The following HYCC2 variants were observed in gnomAD, a reference collection of about 807,000 sequenced individuals.
HYCC2 encodes the protein hyccin 2.
the HYCC2 span, among the ~76,000 whole-genome samples, chr2:201,062,356 T>C: frequency 6.6e-5 from 10 of 151,256 alleles, no homozygotes; most frequent in Admixed American, 1.3e-4. Context: ...CTATTAAAAA[T>C]ACAAAAATGA....
chr2:200,979,304 C>G, the HYCC2 span: 4 of 151,914 alleles, frequency 2.6e-5, no homozygotes, highest in African/African-American at 7.3e-5. Context: ...CACAGACACA[C>G]ACAAAACAAT....
chr2:201,007,945 G>A, the HYCC2 span, among the ~76,000 whole-genome samples: 1 of 152,180 alleles, frequency 6.6e-6, no homozygotes, highest in East Asian at 1.9e-4. Context: ...CCTGACTTCA[G>A]GGGAAAGGAC....
At chr2:200,975,883 T>C in the HYCC2 span, 1 of 152,138 alleles carries the variant, frequency 6.6e-6, no homozygotes, top group Non-Finnish European at 1.5e-5. Flanking sequence ...ATTTTCTATA[T>C]ATGCTCAGTA....
At chr2:201,044,261 A>G in the HYCC2 span, among the ~76,000 whole-genome samples, 1 of 152,108 alleles carries the variant, frequency 6.6e-6, no homozygotes, top group South Asian at 2.1e-4. Flanking sequence ...TAATAGTATT[A>G]CCATTATTTA....
chr2:201,021,125 T>C, the HYCC2 span, among the ~76,000 whole-genome samples: 9 of 152,214 alleles, frequency 5.9e-5, no homozygotes, highest in Non-Finnish European at 1.0e-4. Flanking sequence ...AAATAATTTC[T>C]TGTAACCTAA....
the HYCC2 span, among the ~76,000 whole-genome samples, chr2:201,002,108 C>T: frequency 2.0e-5 from 3 of 150,482 alleles, no homozygotes; most frequent in African/African-American, 7.3e-5. Flanking sequence ...TATTGCAAGT[C>T]ACCAGGAAAA....
At chr2:200,993,004 C>T in the HYCC2 span, 1 of 1,591,746 alleles carries the variant, frequency 6.3e-7, no homozygotes, top group Non-Finnish European at 8.6e-7. Flanking sequence ...CACACAAACC[C>T]TAGGAAAATA....
the HYCC2 span, chr2:201,045,354 C>T: frequency 5.1e-6 from 2 of 391,040 alleles, no homozygotes; most frequent in East Asian, 7.3e-5. Flanking sequence ...AATTCAAAGG[C>T]AATAATTAAG....
At chr2:200,988,509 A>T in the HYCC2 span, 1 of 911,666 alleles carries the variant, frequency 1.1e-6, no homozygotes, top group Non-Finnish European at 1.6e-6. Context: ...TCGAATATGT[A>T]TTTAAAATTT....
the HYCC2 span, among the ~76,000 whole-genome samples, chr2:201,034,021 A>G: frequency 3.3e-5 from 5 of 152,174 alleles, no homozygotes; most frequent in East Asian, 9.7e-4. Flanking sequence ...TTACTATTTT[A>G]AATTCCTATT....
the HYCC2 span, among the ~76,000 whole-genome samples, chr2:201,047,054 G>A: frequency 2.0e-5 from 3 of 151,940 alleles, no homozygotes; most frequent in South Asian, 4.2e-4. Context: ...AAATAGAAGG[G>A]GAAATGTACA....
At chr2:201,007,014 G>A in the HYCC2 span, among the ~76,000 whole-genome samples, 1 of 152,132 alleles carries the variant, frequency 6.6e-6, no homozygotes, top group Non-Finnish European at 1.5e-5. Context: ...AACATTAAAG[G>A]ATGAATTAGT....
the HYCC2 span, among the ~76,000 whole-genome samples, chr2:201,061,607 T>C: frequency 6.6e-6 from 1 of 151,730 alleles, no homozygotes; most frequent in Admixed American, 6.6e-5. Context: ...GGCTGCCACT[T>C]GAAGTCTTTC....
the HYCC2 span, among the ~76,000 whole-genome samples, chr2:201,046,920 C>A: frequency 6.6e-6 from 1 of 151,892 alleles, no homozygotes; most frequent in South Asian, 2.1e-4. Context: ...ACTAAAAATA[C>A]AAAGGGATAA....
At chr2:201,025,536 C>T in the HYCC2 span, among the ~76,000 whole-genome samples, 1 of 152,020 alleles carries the variant, frequency 6.6e-6, no homozygotes, top group Non-Finnish European at 1.5e-5. Context: ...ACTAAGGAAT[C>T]AAAAGAGCTT....
chr2:201,067,179 T>C, the HYCC2 span: 2 of 226,030 alleles, frequency 8.8e-6, no homozygotes, highest in Admixed American at 4.1e-5. Flanking sequence ...TCAACAAAAT[T>C]GGGATCATCT....
chr2:201,047,966 G>A, the HYCC2 span, among the ~76,000 whole-genome samples: 2 of 150,278 alleles, frequency 1.3e-5, no homozygotes, highest in African/African-American at 2.4e-5. Context: ...CAGACAGAAG[G>A]AAATTATCCT....
chr2:201,022,304 C>G, the HYCC2 span, among the ~76,000 whole-genome samples: 1 of 152,096 alleles, frequency 6.6e-6, no homozygotes. Flanking sequence ...CTAAATAATA[C>G]AAAACTCTCA....
chr2:201,054,381 T>C, the HYCC2 span, among the ~76,000 whole-genome samples: 2 of 152,182 alleles, frequency 1.3e-5, no homozygotes, highest in Non-Finnish European at 2.9e-5. Context: ...AGAGTCAATC[T>C]TGGAAATCAT....
Sources: allele counts gnomAD v4.1 joint callset (sites outside exome capture counted in the v4.1 genomes callset), GRCh38; gene constraint gnomAD v4.1.1; transcripts MANE v1.5; gene names NCBI Gene and HGNC (gene_info 2026-07-23, HGNC 2026-07-21).